LRRTM4: variants seen among roughly 807,000 people sequenced by gnomAD.
LRRTM4 encodes the protein leucine rich repeat transmembrane neuronal 4.
LRRTM4 carries 25 observed loss-of-function variants against 47.6 expected under a neutral mutation model. That is an observed-to-expected ratio of 0.53 (90% CI 0.38 to 0.73). The LOEUF is 0.73. Ranked by LOEUF, LRRTM4 falls within the 30% of genes least tolerant of loss-of-function variation. The pLI, the probability that LRRTM4 is intolerant of heterozygous loss-of-function variation, is 0.00. For synonymous variants in LRRTM4, 311 were observed against 269.5 expected, an observed-to-expected ratio of 1.15 and a Z score of -1.51; for missense variants, 638 against 713.4, an observed-to-expected ratio of 0.89 and a Z score of 1.20.
chr2:77,351,670 T>C (rs1671784691), intron 3 of LRRTM4, among the ~76,000 whole-genome samples: 1 of 149,730 alleles, frequency 6.7e-6, no homozygotes, highest in Non-Finnish European at 1.5e-5. Context: ...TATACATGTA[T>C]ACTCGAACAT....
chr2:77,338,518 A>C (rs1049292871), intron 3 of LRRTM4, among the ~76,000 whole-genome samples: 2 of 152,116 alleles, frequency 1.3e-5, no homozygotes, highest in African/African-American at 4.8e-5. Context: ...CATGAGAAAA[A>C]TGCAAATCAA....
At chr2:76,808,824 T>TC (rs1337076275) in intron 3 of LRRTM4, among the ~76,000 whole-genome samples, 1 of 52,148 alleles carries the variant, frequency 1.9e-5, no homozygotes, top group East Asian at 1.7e-3. Flanking sequence ...TCTGCTGAAC[T>TC]TTTTTTTTCA....
chr2:77,246,921 G>A (rs2104003632), intron 3 of LRRTM4, among the ~76,000 whole-genome samples: 1 of 151,734 alleles, frequency 6.6e-6, no homozygotes, highest in South Asian at 2.1e-4. Flanking sequence ...TAAAACTTCT[G>A]GATGAATATA....
chr2:77,026,838 C>T (rs1359218694), intron 3 of LRRTM4, among the ~76,000 whole-genome samples: 2 of 152,014 alleles, frequency 1.3e-5, no homozygotes, highest in Non-Finnish European at 1.5e-5. Flanking sequence ...AAGAAGACTG[C>T]AATATTGATA....
rs370252537 is a variant in LRRTM4 at position 76,766,084 on chromosome 2, T to C, written c.1552-17168A>G. Among the ~76,000 whole-genome samples, 16 of 152,322 alleles carry C rather than the reference T, an allele frequency of 1.1e-4. 1 individual carries two copies. The highest frequency in any genetic ancestry group is 3.4e-4 in the African/African-American group (14 of 41,572). ...TTAGCTTCCTCCAGATACTGGGATC[T>C]TTCTCCAGAGAAAGTACCTCTGAAT... On this transcript the variant is annotated intron_variant, in intron 3 of 3. Coordinates refer to ENST00000409884, the MANE Select transcript of LRRTM4 (RefSeq NM_001134745.3).
Position 76,923,586 on chromosome 2 carries a change from A to T in LRRTM4, c.1552-174670T>A, listed in dbSNP as rs542081062. 1.3e-5 allele frequency among the ~76,000 whole-genome samples: 2 copies of T among 152,184 alleles called. 1 individual carries two copies. Among genetic ancestry groups the T allele is most frequent in the South Asian group, 4.1e-4 (2 of 4,826 alleles). On this transcript the variant is annotated intron_variant, in intron 3 of 3. Transcript: ENST00000409884. The stretch of plus-strand genomic sequence containing the variant: ...GATTCACTCAATTTTAACAACTATC[A>T]ACACAAGAAAATCTTGTTTCATCTA...
At chr2:77,028,939 G>A (rs964666521) in intron 3 of LRRTM4, among the ~76,000 whole-genome samples, 2 of 151,008 alleles carry the variant, frequency 1.3e-5, no homozygotes, top group East Asian at 3.9e-4. Context: ...GGAGGCTGAG[G>A]CAGGAGAATG....
chr2:77,176,996 G>A (rs1673215889), intron 3 of LRRTM4, among the ~76,000 whole-genome samples: 1 of 152,032 alleles, frequency 6.6e-6, no homozygotes, highest in Admixed American at 6.5e-5. Context: ...CATATGGTCT[G>A]AAAAAGGGAA....
At chr2:77,179,848 A>C (rs942044470) in intron 3 of LRRTM4, among the ~76,000 whole-genome samples, 1 of 152,122 alleles carries the variant, frequency 6.6e-6, no homozygotes, top group Non-Finnish European at 1.5e-5. Context: ...TAAATCGCAA[A>C]TTTCTCTGAC....
intron 3 of LRRTM4, among the ~76,000 whole-genome samples, chr2:76,763,528 C>G (rs923012447): frequency 2.0e-5 from 3 of 152,188 alleles, no homozygotes; most frequent in South Asian, 2.1e-4. Context: ...CTTGGACTTC[C>G]GGCTTCCAGA....
chr2:76,774,319 G>T (rs1414672278), intron 3 of LRRTM4, among the ~76,000 whole-genome samples: 1 of 151,764 alleles, frequency 6.6e-6, no homozygotes, highest in African/African-American at 2.4e-5. Flanking sequence ...AACCTCCCTA[G>T]TAGCTGGGAT....
At chr2:76,775,423 C>T (rs561114726) in intron 3 of LRRTM4, among the ~76,000 whole-genome samples, 2 of 152,266 alleles carry the variant, frequency 1.3e-5, no homozygotes, top group African/African-American at 4.8e-5. Flanking sequence ...TGGTGCTGAA[C>T]TCATGAGGCT....
At chr2:77,480,857 G>A (rs568133107) in intron 3 of LRRTM4, among the ~76,000 whole-genome samples, 2 of 84,430 alleles carry the variant, frequency 2.4e-5, no homozygotes, top group East Asian at 5.1e-4. Flanking sequence ...GAGAGAGAGA[G>A]AGAGAGAGAA....
intron 3 of LRRTM4, among the ~76,000 whole-genome samples, chr2:76,793,485 G>C (rs1386404764): frequency 6.6e-6 from 1 of 152,016 alleles, no homozygotes; most frequent in Non-Finnish European, 1.5e-5. Context: ...TTTAAGATAA[G>C]TAGGATTTTG....
intron 3 of LRRTM4, among the ~76,000 whole-genome samples, chr2:77,291,754 A>G (rs1676829366): frequency 6.6e-6 from 1 of 152,208 alleles, no homozygotes; most frequent in South Asian, 2.1e-4. Flanking sequence ...ATTTTGAATG[A>G]CAAAAATTAT....
chr2:77,330,460 AGAGATCCTTCAAT>A (rs1361807390), intron 3 of LRRTM4, among the ~76,000 whole-genome samples: 3 of 152,116 alleles, frequency 2.0e-5, no homozygotes, highest in African/African-American at 7.2e-5. Flanking sequence ...TGGGGAGAGA[AGAGATCCTTCAAT>A]GAGTTTCATC....
chr2:76,966,365 G>C (rs1456833331), intron 3 of LRRTM4, among the ~76,000 whole-genome samples: 1 of 151,216 alleles, frequency 6.6e-6, no homozygotes, highest in Non-Finnish European at 1.5e-5. Flanking sequence ...CAGCAAGAAG[G>C]GGGTTAGGAG....
At chr2:76,860,241 C>A (rs1334847024) in intron 3 of LRRTM4, among the ~76,000 whole-genome samples, 2 of 152,078 alleles carry the variant, frequency 1.3e-5, no homozygotes, top group South Asian at 2.1e-4. Flanking sequence ...GAGAAGATTG[C>A]AAAGACATGT....
At position 76,964,979 on chromosome 2, in the gene LRRTM4, C is replaced by T. The variant is rs182050123; in HGVS notation, c.1552-216063G>A. On this transcript the variant is annotated intron_variant, in intron 3 of 3. Coordinates refer to ENST00000409884, the MANE Select transcript of LRRTM4 (RefSeq NM_001134745.3). ...ACAATTCCTTGAAAGATATAAATGC[C>T]CAAAATTCAAAGAAAAATAGATCTG... Among the ~76,000 whole-genome samples, 330 of 120,020 alleles carry T rather than the reference C, an allele frequency of 2.7e-3. 7 individuals are homozygous for T. Among genetic ancestry groups the T allele is most frequent in the African/African-American group, 0.013 (320 of 25,030 alleles). 78.7% of individuals were successfully genotyped at this position (120,020 alleles called of 152,430 possible).
Sources: allele counts gnomAD v4.1 joint callset (sites outside exome capture counted in the v4.1 genomes callset), GRCh38; gene constraint gnomAD v4.1.1; transcripts MANE v1.5; gene names NCBI Gene and HGNC (gene_info 2026-07-23, HGNC 2026-07-21).